Variants in HS3ST5 observed in about 807,000 individuals in gnomAD.
The protein encoded by HS3ST5 is heparan sulfate-glucosamine 3-sulfotransferase 5.
In HS3ST5, 10 loss-of-function variants were observed where a neutral mutation model predicts 25.4. The ratio of observed to expected loss-of-function variants is 0.39; its 90% CI spans 0.24 to 0.67. The LOEUF (loss-of-function observed/expected upper bound fraction) is 0.67. Ranked by LOEUF, HS3ST5 falls within the 30% of genes least tolerant of loss-of-function variation. The probability of loss-of-function intolerance (pLI) is 0.44; values close to 1 mark genes in which losing one functional copy is unlikely to be tolerated. For synonymous variants in HS3ST5, 170 were observed against 162.4 expected (o/e 1.05, Z -0.36); for missense variants, 324 against 420.7 (o/e 0.77, Z 2.01).
At chr6:114,127,807 T>C (rs940147259) in intron 3 of HS3ST5, among the ~76,000 whole-genome samples, 3 of 151,694 alleles carry the variant, frequency 2.0e-5, no homozygotes, top group African/African-American at 7.3e-5. Context: ...GAATACATTA[T>C]GCTAAGTGAA....
intron 1 of HS3ST5, among the ~76,000 whole-genome samples, chr6:114,271,855 T>C (rs1488353385): frequency 6.6e-6 from 1 of 152,092 alleles, no homozygotes; most frequent in East Asian, 1.9e-4. Context: ...TTCCACTCTA[T>C]GATTGCCACC....
At chr6:114,308,550 G>C (rs1775395785) in intron 1 of HS3ST5, among the ~76,000 whole-genome samples, 1 of 152,102 alleles carries the variant, frequency 6.6e-6, no homozygotes, top group African/African-American at 2.4e-5. Context: ...TCACACCACT[G>C]CACTCCAGCC....
At chr6:114,242,626 G>A (rs1454684856) in intron 1 of HS3ST5, among the ~76,000 whole-genome samples, 8 of 151,594 alleles carry the variant, frequency 5.3e-5, no homozygotes, top group Non-Finnish European at 1.2e-4. Context: ...GGCCGAGGCG[G>A]GTGGATCATG....
At chr6:114,252,169 C>T (rs1439136671) in intron 1 of HS3ST5, among the ~76,000 whole-genome samples, 1 of 148,888 alleles carries the variant, frequency 6.7e-6, no homozygotes, top group Non-Finnish European at 1.5e-5. Context: ...AAAAAAAAAT[C>T]CATTAGTACT....
intron 2 of HS3ST5, among the ~76,000 whole-genome samples, chr6:114,188,131 T>C (rs1195186106): frequency 6.6e-6 from 1 of 152,186 alleles, no homozygotes; most frequent in Non-Finnish European, 1.5e-5. Flanking sequence ...GAGGTACGCC[T>C]GTACTTTGTT....
intron 2 of HS3ST5, among the ~76,000 whole-genome samples, chr6:114,188,749 G>A (rs1175169497): frequency 1.3e-5 from 2 of 152,136 alleles, no homozygotes; most frequent in Non-Finnish European, 2.9e-5. Context: ...TACCACGGAA[G>A]CACTTTCTGT....
At chr6:114,197,367 A>G (rs1582705082) in intron 2 of HS3ST5, among the ~76,000 whole-genome samples, 2 of 152,206 alleles carry the variant, frequency 1.3e-5, no homozygotes, top group Middle Eastern at 6.8e-3. Context: ...ATACTCTACA[A>G]TAATTCATTG....
chr6:114,123,727 T>C (rs1226634781), intron 3 of HS3ST5, among the ~76,000 whole-genome samples: 2 of 152,320 alleles, frequency 1.3e-5, no homozygotes, highest in African/African-American at 4.8e-5. Context: ...CTATGAATCT[T>C]TGGCTAACAT....
chr6:114,133,343 C>G (rs1777438473), intron 3 of HS3ST5, among the ~76,000 whole-genome samples: 1 of 152,180 alleles, frequency 6.6e-6, no homozygotes, highest in Non-Finnish European at 1.5e-5. Context: ...CCCACTGTTC[C>G]TCAGAGGACA....
intron 3 of HS3ST5, among the ~76,000 whole-genome samples, chr6:114,149,077 A>G (rs952397764): frequency 2.6e-5 from 4 of 152,220 alleles, no homozygotes; most frequent in Non-Finnish European, 5.9e-5. Context: ...AAAGTCAGGA[A>G]ACAACAGATG....
At chr6:114,201,488 A>G (rs1250385167) in intron 2 of HS3ST5, among the ~76,000 whole-genome samples, 3 of 151,956 alleles carry the variant, frequency 2.0e-5, no homozygotes, top group Non-Finnish European at 4.4e-5. Context: ...TGTTCTTTTA[A>G]TAGTTCTCTC....
At chr6:114,333,962 T>C (rs1251294603) in intron 1 of HS3ST5, among the ~76,000 whole-genome samples, 1 of 152,124 alleles carries the variant, frequency 6.6e-6, no homozygotes, top group Non-Finnish European at 1.5e-5. Context: ...TGCAAGCCCA[T>C]CAGTCCCACA....
intron 2 of HS3ST5, among the ~76,000 whole-genome samples, chr6:114,202,990 T>A (rs111601019): frequency 6.6e-6 from 1 of 152,336 alleles, no homozygotes; most frequent in Admixed American, 6.5e-5. Flanking sequence ...AGTTGAGGCA[T>A]GGCCAACTCT....
chr6:114,210,721 T>C (rs1352487059), intron 2 of HS3ST5, among the ~76,000 whole-genome samples: 1 of 152,216 alleles, frequency 6.6e-6, no homozygotes, highest in African/African-American at 2.4e-5. Context: ...GCATTTGCAA[T>C]GAGCAGTGAT....
At chr6:114,337,691 G>T (rs1224218278) in intron 1 of HS3ST5, among the ~76,000 whole-genome samples, 1 of 152,060 alleles carries the variant, frequency 6.6e-6, no homozygotes, top group Non-Finnish European at 1.5e-5. Context: ...GAATTCACTA[G>T]AAGTTGAAAA....
intron 1 of HS3ST5, among the ~76,000 whole-genome samples, chr6:114,265,292 AG>A (rs1341495270): frequency 1.3e-5 from 2 of 152,150 alleles, no homozygotes; most frequent in Non-Finnish European, 2.9e-5. Context: ...CTCTGCTGAG[AG>A]GTCTAAAACA....
intron 1 of HS3ST5, among the ~76,000 whole-genome samples, chr6:114,294,726 T>G (rs61602782): frequency 0.06 from 9,201 of 152,212 alleles, 861 homozygotes; most frequent in African/African-American, 0.2. Context: ...GGTATGCATT[T>G]CTGATACAGA....
At chr6:114,076,735 GAAAC>G (rs1774162911) in intron 3 of HS3ST5, among the ~76,000 whole-genome samples, 1 of 152,138 alleles carries the variant, frequency 6.6e-6, no homozygotes, top group Non-Finnish European at 1.5e-5. Context: ...TAATGAGAAA[GAAAC>G]AAATGAAGAG....
intron 3 of HS3ST5, chr6:114,084,303 A>AC (rs1426559345): frequency 6.5e-6 from 5 of 771,330 alleles, no homozygotes; most frequent in Non-Finnish European, 1.2e-5. Context: ...GCACCTGCAC[A>AC]CCTTCAGACC....
Sources: gnomAD v4.1 joint callset for allele counts (sites outside exome capture counted in the v4.1 genomes callset) on GRCh38, gnomAD v4.1.1 for gene constraint, MANE v1.5 for transcripts, NCBI Gene and HGNC (gene_info 2026-07-23, HGNC 2026-07-21) for gene names.